The following SCG3 variants were observed in gnomAD, a reference collection of about 807,000 sequenced individuals.
The protein encoded by SCG3 is secretogranin III.
Under a neutral mutation model 56.2 loss-of-function variants are expected in SCG3, and 38 were observed. The observed-to-expected ratio is 0.68, with a 90% CI of 0.52 to 0.89. The LOEUF is 0.89. SCG3 is among the 40% of genes least tolerant of loss of function. The pLI is 0.00. For missense variants in SCG3, 524 were observed against 540.7 expected, an observed-to-expected ratio of 0.97 and a Z score of 0.31; for synonymous variants, 176 against 184.2, an observed-to-expected ratio of 0.96 and a Z score of 0.36.
chr15:51,709,026 G>A (rs542044302), intron 10 of SCG3, among the ~76,000 whole-genome samples: 1 of 152,110 alleles, frequency 6.6e-6, no homozygotes. Flanking sequence ...CTCTCACGCT[G>A]CTAATAAATA....
At chr15:51,682,140 CA>C (rs1316096570) in intron 1 of SCG3, among the ~76,000 whole-genome samples, 1 of 152,114 alleles carries the variant, frequency 6.6e-6, no homozygotes, top group Non-Finnish European at 1.5e-5. Flanking sequence ...CTTTCTCAGA[CA>C]GTCTATTCAT....
chr15:51,682,475 T>C (rs780354609), intron 1 of SCG3, 42 bp from the exon 2 acceptor site: 1 of 1,094,510 alleles, frequency 9.1e-7, no homozygotes, highest in Non-Finnish European at 1.3e-6. Flanking sequence ...ATTTTGTCCT[T>C]CAACGCACAA....
At chr15:51,695,810 A>G (rs1433075642) in intron 7 of SCG3, 65 bp from the exon 8 acceptor site, 28 of 889,040 alleles carry the variant, frequency 3.1e-5, no homozygotes, top group Non-Finnish European at 4.9e-5. Flanking sequence ...GCTGTACTTT[A>G]TAAATTGACA....
chr15:51,693,448 T>C (rs1477050773), intron 7 of SCG3: 2 of 152,254 alleles, frequency 1.3e-5, no homozygotes, highest in African/African-American at 4.8e-5. Context: ...TTTGTTTTTT[T>C]AAAGCTAAGT....
intron 1 of SCG3, 50 bp downstream of exon 1, chr15:51,681,887 A>G (rs950276906): frequency 1.3e-6 from 2 of 1,510,210 alleles, no homozygotes; most frequent in Middle Eastern, 1.7e-4. Flanking sequence ...TCGCCACGAA[A>G]AGGTAAAGTT....
At chr15:51,695,503 GTATCTTACCC>G (rs144805820) in intron 7 of SCG3, 1,703 of 155,810 alleles carry the variant, frequency 0.011, 15 homozygotes, top group Non-Finnish European at 0.019. Flanking sequence ...CAGTATAGCT[GTATCTTACCC>G]TATATTTCCA....
chr15:51,704,793 A>ATATATATATATATATATATATATATATC (rs2055364332), intron 10 of SCG3, among the ~76,000 whole-genome samples: 1 of 135,588 alleles, frequency 7.4e-6, no homozygotes, highest in Non-Finnish European at 1.6e-5. Context: ...ATATATATAT[A>ATATATATATATATATATATATATATATC]TACATCTCTC....
In SCG3 at chr15:51,689,325, C is replaced by G. The variant is rs1278067350; in HGVS notation, c.647C>G (p.Thr216Arg). ...NNYEEDPNKPTSWTENQAGKI... is the reference protein window; with the variant it reads ...NNYEEDPNKPRSWTENQAGKI... The stretch of plus-strand genomic sequence containing the variant: ...TATGAGGAGGATCCCAATAAGCCCA[C>G]AAGCTGGACTGAGAATCAGGCTGGA... The change falls in exon 6 of 12, where the codon ACA becomes AGA. Residue 216 changes from threonine (T) to arginine (R), a missense_variant. Transcript: ENST00000220478. The G allele has an allele frequency of 6.2e-7, 1 of 1,613,868 alleles. No individual in the cohort carries two copies. The highest frequency in any genetic ancestry group is 8.5e-7 in the Non-Finnish European group (1 of 1,179,956).
At position 51,681,637 on chromosome 15, in the gene SCG3, T is replaced by C. The variant is rs1271625873; in HGVS notation, c.-119T>C. On this transcript the variant is annotated 5_prime_UTR_variant, in exon 1 of 12. Transcript: ENST00000220478. ...TGCAGCCGCCCAGTCCCGGCCCCTC[T>C]CCCGCCCCACACCCACCCTCCTGGC... 4 of 582,682 alleles carry C rather than the reference T, an allele frequency of 6.9e-6. No individual in the cohort carries two copies. The East Asian group carries it at 1.5e-4, about 21-fold the overall frequency. The allele number at this position is 582,682 out of a possible 1,614,324, so 36.1% of individuals were successfully genotyped here.
chr15:51,681,749 T>C lies in SCG3; in HGVS notation c.-7T>C, dbSNP rs1402588494. ...GCCGGGCTGTGACCCAAGCCGAGCG[T>C]GGAAGAATGGGGTTCCTCGGGACCG... On this transcript the variant is annotated 5_prime_UTR_variant, in exon 1 of 12. Transcript: ENST00000220478. 4 of 1,610,848 alleles carry C rather than the reference T, an allele frequency of 2.5e-6. No individual in the cohort carries two copies. Among genetic ancestry groups the C allele is most frequent in the East Asian group, 4.5e-5 (2 of 44,630 alleles).
At position 51,701,109 on chromosome 15, in the gene SCG3, C is replaced by T. The variant is rs919097399; in HGVS notation, c.1072C>T (p.Pro358Ser). The T allele has an allele frequency of 6.2e-7, 1 of 1,613,586 alleles. No individual in the cohort carries two copies. The highest frequency in any genetic ancestry group is 1.1e-5 in the South Asian group (1 of 91,066). Residue 358 changes from proline to serine, a missense_variant and splice_region_variant, in exon 10 of 12, where the codon CCA becomes TCA. Transcript: ENST00000220478. ...TDNISKLFPA[P>S]SEKSHEETDS... is the part of the protein sequence containing the mutation. The stretch of plus-strand genomic sequence containing the variant: ...AACAATGCTCAATCTGATTACAGCA[C>T]CATCAGAGAAGAGTCATGAAGAAAC...
chr15:51,709,743 CAG>C (rs2055407346), intron 10 of SCG3, among the ~76,000 whole-genome samples: 1 of 45,852 alleles, frequency 2.2e-5, no homozygotes, highest in African/African-American at 7.0e-5. Flanking sequence ...TTTTTTGAGA[CAG>C]AGTCTCGCTC....
In SCG3 at chr15:51,720,656, C is replaced by T. The variant is rs975829382; in HGVS notation, c.*1130C>T. 2.0e-5 allele frequency: 3 copies of T among 152,298 alleles called. No homozygotes were observed. Among genetic ancestry groups the T allele is most frequent in the South Asian group, 4.2e-4 (2 of 4,818 alleles). 9.4% of individuals were successfully genotyped at this position (152,298 alleles called of 1,614,324 possible). On this transcript the variant is annotated 3_prime_UTR_variant, in exon 12 of 12. Transcript: ENST00000220478. The stretch of plus-strand genomic sequence containing the variant: ...GTGAAGCCAGCTGGACTTCCTGGGT[C>T]GAGTGGGGCCTTGGAGAACTTTTCT...
At chr15:51,703,582 AC>A (rs1368737056) in intron 10 of SCG3, among the ~76,000 whole-genome samples, 1 of 152,138 alleles carries the variant, frequency 6.6e-6, no homozygotes, top group Non-Finnish European at 1.5e-5. Flanking sequence ...GATATTCTAT[AC>A]CCACTCTGAA....
At chr15:51,686,379 G>A (rs2055228750) in intron 4 of SCG3, among the ~76,000 whole-genome samples, 1 of 152,176 alleles carries the variant, frequency 6.6e-6, no homozygotes, top group African/African-American at 2.4e-5. Flanking sequence ...ACTCTTCAGT[G>A]GGTTACTAAC....
At chr15:51,708,700 CA>C (rs966442175) in intron 10 of SCG3, among the ~76,000 whole-genome samples, 1 of 151,720 alleles carries the variant, frequency 6.6e-6, no homozygotes, top group African/African-American at 2.4e-5. Flanking sequence ...CTAAAAAATA[CA>C]AAAAAAATTA....
chr15:51,720,888 G>A lies in SCG3; in HGVS notation c.*1362G>A, dbSNP rs1387774984. On this transcript the variant is annotated 3_prime_UTR_variant, in exon 12 of 12. Transcript: ENST00000220478. The stretch of plus-strand genomic sequence containing the variant: ...TTGAAAAAAAGGGCACTCTGATAGG[G>A]CAAAAACGGAACATGGGAGGGGACA... 5.6e-6 allele frequency: 1 copy of A among 179,184 alleles called. No individual in the cohort carries two copies. Among genetic ancestry groups the A allele is most frequent in the Non-Finnish European group, 1.1e-5 (1 of 90,116 alleles). 11.1% of individuals were successfully genotyped at this position (179,184 alleles called of 1,614,324 possible).
intron 11 of SCG3, 59 bp from the exon 12 acceptor site, chr15:51,719,349 C>T (rs1176960544): frequency 1.7e-6 from 2 of 1,155,110 alleles, no homozygotes; most frequent in African/African-American, 1.5e-5. Context: ...ATGGTAATCA[C>T]TGTAATGGGA....
intron 6 of SCG3, among the ~76,000 whole-genome samples, chr15:51,690,989 A>G (rs1263278463): frequency 6.6e-6 from 1 of 152,234 alleles, no homozygotes. Context: ...TTTCATTACA[A>G]TTGCATTAAG....
Sources: gnomAD v4.1 joint callset for allele counts (sites outside exome capture counted in the v4.1 genomes callset) on GRCh38, gnomAD v4.1.1 for gene constraint, MANE v1.5 for transcripts, NCBI Gene and HGNC (gene_info 2026-07-23, HGNC 2026-07-21) for gene names.